The following MICAL3 variants were observed in gnomAD, a reference collection of about 807,000 sequenced individuals.
The protein encoded by MICAL3 is [F-actin]-monooxygenase MICAL3.
MICAL3 carries 62 observed loss-of-function variants against 207.4 expected under a neutral mutation model. The ratio of observed to expected loss-of-function variants is 0.30; its 90% CI spans 0.24 to 0.37. The LOEUF (loss-of-function observed/expected upper bound fraction) is 0.37, where lower values mean the gene tolerates loss of function less well. Among genes scored for constraint, MICAL3 ranks in the 10% least tolerant of loss-of-function variants. The pLI is 1.00. For synonymous variants in MICAL3, 1,077 were observed against 1,069.3 expected, an observed-to-expected ratio of 1.01 and a Z score of -0.14; for missense variants, 2,368 against 2,635.6, an observed-to-expected ratio of 0.90 and a Z score of 2.22.
At chr22:17,968,511 C>A (rs1232803313) in intron 1 of MICAL3, among the ~76,000 whole-genome samples, 1 of 152,142 alleles carries the variant, frequency 6.6e-6, no homozygotes, top group African/African-American at 2.4e-5. Flanking sequence ...TACATTTCCC[C>A]ACCACAAAAC....
chr22:17,821,358 GAGA>G, intron 25 of MICAL3, 66 bp downstream of exon 25: 1 of 1,378,426 alleles, frequency 7.3e-7, no homozygotes, highest in Non-Finnish European at 9.8e-7. Flanking sequence ...CCCTGAAACA[GAGA>G]AGTTAATATG....
chr22:17,896,167 C>T (rs1930809008), intron 9 of MICAL3, 79 bp downstream of exon 9: 8 of 735,818 alleles, frequency 1.1e-5, no homozygotes, highest in South Asian at 6.8e-5. Flanking sequence ...GAAGGAAGAA[C>T]TTGCACTCTG....
Position 18,000,073 on chromosome 22 carries a change from G to A in MICAL3, c.-75+24208C>T, listed in dbSNP as rs116799650. Among the ~76,000 whole-genome samples the A allele has an allele frequency of 6.6e-3, 1,009 of 152,226 alleles. 11 individuals carry two copies. The highest frequency in any genetic ancestry group is 0.023 in the African/African-American group (950 of 41,524). Reference sequence around the variant, plus strand: ...CAGAAGGCGGGGCTTTCCCGCAGGCGGCAGCGACTGTAGGAAGATGTCTTT... The same window carrying A: ...CAGAAGGCGGGGCTTTCCCGCAGGCAGCAGCGACTGTAGGAAGATGTCTTT... On this transcript the variant is annotated intron_variant, in intron 1 of 31. Coordinates refer to ENST00000441493, the MANE Select transcript of MICAL3 (RefSeq NM_015241.3).
At chr22:17,968,940 G>T (rs950065800) in intron 1 of MICAL3, among the ~76,000 whole-genome samples, 20 of 152,136 alleles carry the variant, frequency 1.3e-4, no homozygotes, top group African/African-American at 4.6e-4. Context: ...AAAATGGTCA[G>T]TTTTTAAAGA....
chr22:18,016,939 CA>C (rs369867729), intron 1 of MICAL3, among the ~76,000 whole-genome samples: 31,648 of 133,516 alleles, frequency 0.24, 3,615 homozygotes, highest in East Asian at 0.4. Context: ...GACTCTGTCT[CA>C]AAAAAAAAAA....
At position 17,906,776 on chromosome 22, in the gene MICAL3, G is replaced by A. The variant is rs369052034; in HGVS notation, c.37C>T (p.His13Tyr). ...ERKHETMNPA[H>Y]VLFDRFVQAT... ...TGGACAAACCGGTCAAAGAGGACAT[G>A]AGCTGGGTTCATGGTCTCATGCTTC... Residue 13 changes from histidine to tyrosine, a missense_variant, in exon 2 of 32, where the codon CAT (histidine) becomes TAT (tyrosine). Coordinates refer to ENST00000441493, the MANE Select transcript of MICAL3 (RefSeq NM_015241.3). The A allele has an allele frequency of 1.8e-5, 29 of 1,613,054 alleles. No homozygotes were observed. The African/African-American group carries it at 2.3e-4, about 13-fold the overall frequency.
intron 1 of MICAL3, among the ~76,000 whole-genome samples, chr22:17,907,218 A>G (rs1048902991): frequency 8.7e-5 from 13 of 150,116 alleles, no homozygotes; most frequent in Non-Finnish European, 1.3e-4. Flanking sequence ...TTGGTGGTGA[A>G]GGGGGGGGGT....
At chr22:17,801,784 C>T (rs1200947069) in intron 29 of MICAL3, among the ~76,000 whole-genome samples, 4 of 152,006 alleles carry the variant, frequency 2.6e-5, no homozygotes, top group Non-Finnish European at 5.9e-5. Context: ...ATCCCAGCTA[C>T]TCGGGAGGCT....
intron 22 of MICAL3, among the ~76,000 whole-genome samples, chr22:17,824,637 T>G (rs1459238964): frequency 1.3e-5 from 2 of 152,196 alleles, no homozygotes; most frequent in Non-Finnish European, 2.9e-5. Flanking sequence ...CAGGGAGAGA[T>G]AGGCGGGTTC....
chr22:17,976,576 TATATATATATA>T (rs1569154145), intron 1 of MICAL3, among the ~76,000 whole-genome samples: 7 of 98,004 alleles, frequency 7.1e-5, no homozygotes, highest in African/African-American at 3.2e-4. Context: ...TATATATATA[TATATATATATA>T]TATTTTTTTT....
At chr22:17,861,688 T>C in intron 19 of MICAL3, 2 of 985,452 alleles carry the variant, frequency 2.0e-6, no homozygotes, top group South Asian at 9.4e-5. Context: ...AGAAAATCTG[T>C]GCCAGGACCA....
rs146966955 is a variant in MICAL3 at position 17,902,563 on chromosome 22, C to T, written c.589+68G>A. 6.1e-4 allele frequency: 597 copies of T among 985,322 alleles called. No individual in the cohort carries two copies. The highest frequency in any genetic ancestry group is 9.9e-4 in the Middle Eastern group (4 of 4,046). 61.0% of individuals were successfully genotyped at this position (985,322 alleles called of 1,614,324 possible). On this transcript the variant is annotated intron_variant, in intron 4 of 31. Transcript: ENST00000441493. This position sits in a 1 kb window ranked among gnomAD's most constrained non-coding sequence, Gnocchi z 4.5. ...GCCCTCAGGAGCCTTTGGTTTGCTC[C>T]CTCAATCTCATCTTCCTCACCCATC... is the stretch of plus-strand genomic sequence containing the variant.
chr22:17,950,896 C>T (rs1036005749), intron 1 of MICAL3, among the ~76,000 whole-genome samples: 1 of 152,220 alleles, frequency 6.6e-6, no homozygotes, highest in Non-Finnish European at 1.5e-5. Flanking sequence ...AGCCTCTCGC[C>T]AAAGAATGCT....
chr22:17,821,057 AATT>A (rs1921593816), intron 25 of MICAL3, among the ~76,000 whole-genome samples: 1 of 150,676 alleles, frequency 6.6e-6, no homozygotes, highest in Non-Finnish European at 1.5e-5. Context: ...AAATATAATA[AATT>A]ATTTATTTTT....
At chr22:17,860,575 CT>C in intron 19 of MICAL3, 1 of 985,498 alleles carries the variant, frequency 1.0e-6, no homozygotes, top group Non-Finnish European at 1.2e-6. Flanking sequence ...GTTCCAGTGT[CT>C]TGCAGAAAAG....
At chr22:17,916,699 AG>A (rs1300180711) in intron 1 of MICAL3, among the ~76,000 whole-genome samples, 1 of 152,166 alleles carries the variant, frequency 6.6e-6, no homozygotes, top group Non-Finnish European at 1.5e-5. Flanking sequence ...CTCCAGGACA[AG>A]GGGACACTAC....
At chr22:17,828,327 C>T (rs1056256889) in intron 21 of MICAL3, among the ~76,000 whole-genome samples, 8 of 152,140 alleles carry the variant, frequency 5.3e-5, no homozygotes, top group African/African-American at 1.2e-4. Flanking sequence ...TGCCGCCAGC[C>T]GGCCAGCTCA....
rs771306007 is a variant in MICAL3, at chr22:17,810,773, G to A, written c.5486C>T (p.Thr1829Ile). ...YTEEELNAKLTRRVQKAARRQ... is the reference protein window; with the variant it reads ...YTEEELNAKLIRRVQKAARRQ... ...CCGAGCTGCCTTTTGCACACGCCGG[G>A]TCAGCTTGGCATTCAGTTCCTCCTC... Residue 1829 changes from threonine to isoleucine, a missense_variant, in exon 28 of 32, where the codon ACC becomes ATC. Coordinates refer to ENST00000441493, the MANE Select transcript of MICAL3 (RefSeq NM_015241.3). The A allele has an allele frequency of 8.1e-6, 13 of 1,613,870 alleles. No individual in the cohort carries two copies. The East Asian group carries it at 2.7e-4, about 33-fold the overall frequency.
chr22:17,978,570 G>A (rs1354892405), intron 1 of MICAL3, among the ~76,000 whole-genome samples: 1 of 151,370 alleles, frequency 6.6e-6, no homozygotes, highest in African/African-American at 2.4e-5. Context: ...CTGAAGTGCA[G>A]TGGCACAATC....
Sources: allele counts gnomAD v4.1 joint callset (sites outside exome capture counted in the v4.1 genomes callset), GRCh38; gene constraint gnomAD v4.1.1; non-coding constraint Gnocchi (gnomAD v3.1); transcripts MANE v1.5; gene names NCBI Gene and HGNC (gene_info 2026-07-23, HGNC 2026-07-21).